Variants in LRFN5 observed in about 807,000 individuals in gnomAD.
The protein encoded by LRFN5 is leucine rich repeat and fibronectin type III domain containing 5.
Under a neutral mutation model 45.6 loss-of-function variants are expected in LRFN5, and 24 were observed. The ratio of observed to expected loss-of-function variants is 0.53; its 90% CI spans 0.38 to 0.74. LRFN5 has a LOEUF of 0.74. LRFN5 is among the 30% of genes least tolerant of loss of function. The pLI is 0.00. For synonymous variants in LRFN5, 340 were observed against 313.8 expected, an observed-to-expected ratio of 1.08 and a Z score of -0.88; for missense variants, 776 against 861.5, an observed-to-expected ratio of 0.90 and a Z score of 1.24.
chr14:41,692,992 T>C (rs1308888924), intron 1 of LRFN5, among the ~76,000 whole-genome samples: 1 of 152,122 alleles, frequency 6.6e-6, no homozygotes, highest in Non-Finnish European at 1.5e-5. Flanking sequence ...TCATATAAAT[T>C]TTATTTCCTC....
chr14:41,610,520 T>A (rs1203853186), intron 1 of LRFN5, among the ~76,000 whole-genome samples: 2 of 151,778 alleles, frequency 1.3e-5, no homozygotes, highest in African/African-American at 2.4e-5. Flanking sequence ...TGGTACCCAA[T>A]AAACGTGAAA....
At chr14:41,804,187 C>A (rs143306721) in intron 2 of LRFN5, among the ~76,000 whole-genome samples, 9 of 151,746 alleles carry the variant, frequency 5.9e-5, no homozygotes, top group Non-Finnish European at 1.3e-4. Flanking sequence ...CTCAAATCAG[C>A]CTCCCTGAAA....
At chr14:41,794,291 A>G (rs193288425) in intron 2 of LRFN5, among the ~76,000 whole-genome samples, 1 of 152,040 alleles carries the variant, frequency 6.6e-6, no homozygotes, top group African/African-American at 2.4e-5. Flanking sequence ...TGTCTAACAT[A>G]TAATAATTCA....
intron 1 of LRFN5, among the ~76,000 whole-genome samples, chr14:41,727,339 C>G (rs1883979825): frequency 6.6e-6 from 1 of 152,104 alleles, no homozygotes; most frequent in Non-Finnish European, 1.5e-5. Flanking sequence ...CCTCATGGCT[C>G]CAAGTTGTAA....
intron 2 of LRFN5, among the ~76,000 whole-genome samples, chr14:41,791,361 T>G (rs577350143): frequency 4.3e-4 from 65 of 152,076 alleles, no homozygotes; most frequent in South Asian, 3.1e-3. Context: ...CAGTAGAAGA[T>G]TTCTGTTATA....
intron 2 of LRFN5, among the ~76,000 whole-genome samples, chr14:41,787,661 C>A (rs1886774210): frequency 6.6e-6 from 1 of 151,476 alleles, no homozygotes; most frequent in African/African-American, 2.4e-5. Flanking sequence ...ATTTCATTTC[C>A]TTGTTGTCTA....
chr14:41,819,547 C>T (rs1888039151), intron 2 of LRFN5, among the ~76,000 whole-genome samples: 1 of 152,040 alleles, frequency 6.6e-6, no homozygotes, highest in Admixed American at 6.6e-5. Context: ...TTTAATTGGT[C>T]ACAGTTCTGC....
chr14:41,664,800 C>A lies in LRFN5; in HGVS notation c.-197+56238C>A, dbSNP rs143830965. On this transcript the variant is annotated intron_variant, in intron 1 of 5. Transcript: ENST00000298119. ...ACTCTGAGAGAGTTCTTTAAAAATT[C>A]TTTTCTGATTAGCTTCTTTCTCCTA... 9.1e-3 allele frequency among the ~76,000 whole-genome samples: 1,384 copies of A among 152,048 alleles called. 6 individuals are homozygous for A. Among genetic ancestry groups the A allele is most frequent in the East Asian group, 0.015 (75 of 5,160 alleles).
chr14:41,758,367 C>G (rs1885505175), intron 1 of LRFN5, among the ~76,000 whole-genome samples: 1 of 152,164 alleles, frequency 6.6e-6, no homozygotes, highest in Admixed American at 6.5e-5. Context: ...CAATTAATCC[C>G]TTATGTGTAT....
At chr14:41,786,365 T>G (rs1886720043) in intron 2 of LRFN5, among the ~76,000 whole-genome samples, 1 of 152,074 alleles carries the variant, frequency 6.6e-6, no homozygotes, top group African/African-American at 2.4e-5. Flanking sequence ...ATTTTTCATA[T>G]TTAGAGTTTT....
At chr14:41,694,874 AGT>A (rs1882537273) in intron 1 of LRFN5, among the ~76,000 whole-genome samples, 1 of 151,976 alleles carries the variant, frequency 6.6e-6, no homozygotes, top group Admixed American at 6.6e-5. Context: ...ATGGCCACTA[AGT>A]GTTTGAACGA....
chr14:41,648,322 A>T (rs2138612704), intron 1 of LRFN5, among the ~76,000 whole-genome samples: 1 of 152,230 alleles, frequency 6.6e-6, no homozygotes, highest in South Asian at 2.1e-4. Context: ...CAACCTGGAA[A>T]TCTTCCAAAT....
At chr14:41,793,539 C>T (rs1248330125) in intron 2 of LRFN5, among the ~76,000 whole-genome samples, 2 of 151,940 alleles carry the variant, frequency 1.3e-5, no homozygotes, top group Non-Finnish European at 2.9e-5. Context: ...ATTCAAGAGA[C>T]CCATAAGACC....
At chr14:41,813,379 G>A (rs1454924637) in intron 2 of LRFN5, among the ~76,000 whole-genome samples, 1 of 151,912 alleles carries the variant, frequency 6.6e-6, no homozygotes, top group African/African-American at 2.4e-5. Flanking sequence ...GGTGTGTGAT[G>A]TTCCCCTCCC....
chr14:41,639,963 T>A (rs1218004571), intron 1 of LRFN5, among the ~76,000 whole-genome samples: 1 of 143,548 alleles, frequency 7.0e-6, no homozygotes, highest in East Asian at 2.0e-4. Flanking sequence ...TTTTTTTTTT[T>A]TTTTTTTTTT....
intron 1 of LRFN5, among the ~76,000 whole-genome samples, chr14:41,621,830 C>G: frequency 6.6e-6 from 1 of 152,064 alleles, no homozygotes; most frequent in East Asian, 1.9e-4. Context: ...TTGTCTCCAT[C>G]GGTTCCTTTC....
At position 41,886,197 on chromosome 14, in the gene LRFN5, T is replaced by G. The variant is rs891855337; in HGVS notation, c.-20-409T>G. Among the ~76,000 whole-genome samples, 4 of 152,264 alleles carry G rather than the reference T, an allele frequency of 2.6e-5. No individual in the cohort carries two copies. In the South Asian group the frequency reaches 8.3e-4, roughly 32 times the overall value. On this transcript the variant is annotated intron_variant, in intron 2 of 5. Transcript: ENST00000298119. ...TGACCTACTTACAAATCTTCAAATA[T>G]GCCTCTAATTTTTTAAATATCTTTA...
At chr14:41,637,037 T>C (rs1879338525) in intron 1 of LRFN5, among the ~76,000 whole-genome samples, 1 of 152,198 alleles carries the variant, frequency 6.6e-6, no homozygotes, top group African/African-American at 2.4e-5. Context: ...TAACTCAAGA[T>C]GTTACATTCC....
At chr14:41,802,489 T>C (rs1887369399) in intron 2 of LRFN5, among the ~76,000 whole-genome samples, 1 of 152,132 alleles carries the variant, frequency 6.6e-6, no homozygotes, top group South Asian at 2.1e-4. Flanking sequence ...TTACTGAAAC[T>C]AGGCAATGCA....
Sources: allele counts gnomAD v4.1 joint callset (sites outside exome capture counted in the v4.1 genomes callset), GRCh38; gene constraint gnomAD v4.1.1; transcripts MANE v1.5; gene names NCBI Gene and HGNC (gene_info 2026-07-23, HGNC 2026-07-21).